Variants in TMEM150B observed in about 807,000 individuals in gnomAD.
TMEM150B encodes the protein modulator of macroautophagy TMEM150B.
In TMEM150B, 33 loss-of-function variants were observed where a neutral mutation model predicts 25.2. The ratio of observed to expected loss-of-function variants is 1.31; its 90% CI spans 0.99 to 1.75. The LOEUF (loss-of-function observed/expected upper bound fraction) is 1.75. Among genes scored for constraint, TMEM150B ranks in the 40% most tolerant of loss-of-function variants. TMEM150B has a pLI of 0.00. For missense variants in TMEM150B, 322 were observed against 306.1 expected, an observed-to-expected ratio of 1.05 and a Z score of -0.39; for synonymous variants, 133 against 134.8, an observed-to-expected ratio of 0.99 and a Z score of 0.09.
Position 55,319,876 on chromosome 19 carries a change from A to G in TMEM150B, c.324+163T>C, listed in dbSNP as rs532473790. The G allele has an allele frequency of 1.6e-3, 2,314 of 1,441,230 alleles. 2 individuals are homozygous for G. The highest frequency in any genetic ancestry group is 2.0e-3 in the Non-Finnish European group (2,185 of 1,099,966). 89.3% of individuals were successfully genotyped at this position (1,441,230 alleles called of 1,614,324 possible). A position where few individuals can be genotyped will look rare whatever the true frequency, so the allele number is the denominator to read the frequency against. On this transcript the variant is annotated intron_variant, in intron 6 of 7. Coordinates refer to ENST00000326652, the MANE Select transcript of TMEM150B (RefSeq NM_001282011.2). ...TAGTGCCCCACTCAGAGAGCAAAGGAATCCAGCCGGTCCAAGGCCACTGGC... is the reference window on the plus strand; with the variant it reads ...TAGTGCCCCACTCAGAGAGCAAAGGGATCCAGCCGGTCCAAGGCCACTGGC...
chr19:55,312,783 C>A, downstream of TMEM150B: 1 of 1,417,740 alleles, frequency 7.1e-7, no homozygotes. Flanking sequence ...GCTCATCTTG[C>A]TGGGTGCGGG....
chr19:55,316,961 C>T lies in TMEM150B; in HGVS notation c.330G>A (p.Lys110=). The T allele has an allele frequency of 6.3e-7, 1 of 1,597,474 alleles. No homozygotes were observed. Among genetic ancestry groups the T allele is most frequent in the African/African-American group, 1.4e-5 (1 of 73,946 alleles). The change falls in exon 7 of 8, where the codon AAG becomes AAA. Residue 110 remains lysine, a synonymous_variant. Transcript: ENST00000326652. ...CTGCCAAGTGCGTAGGCCGCTGGTT[C>T]TTTTCCTGGGAGGAGAAGGGAGAAG... is the stretch of plus-strand genomic sequence containing the variant. ...GTSVVGNFQE[K]NQRPTHLAGA... is the part of the protein sequence containing the mutation.
In TMEM150B at chr19:55,316,842, CAGGCAGCCCCGGGCTG is replaced by C; in HGVS notation, c.433_448del (p.Gln145GlyfsTer20). The C allele has an allele frequency of 6.3e-7, 1 of 1,586,378 alleles. No homozygotes were observed. The highest frequency in any genetic ancestry group is 1.1e-5 in the South Asian group (1 of 87,186). On this transcript the variant is annotated frameshift_variant, in exon 7 of 8. Transcript: ENST00000326652. LOFTEE classifies it high-confidence loss of function. ...GAGGCCCAGGCGGAGGGGCCCAATC[CAGGCAGCCCCGGGCTG>C]GGGCAGCCTCTTCAGCCTCCACAGG...
rs947021510 is a variant in TMEM150B at position 55,320,274 on chromosome 19, G to A, written c.197-108C>T. On this transcript the variant is annotated intron_variant, in intron 5 of 7. Coordinates refer to ENST00000326652, the MANE Select transcript of TMEM150B (RefSeq NM_001282011.2). The stretch of plus-strand genomic sequence containing the variant: ...GTGAGGGAGAAAGTGGCAAACTCCC[G>A]GATTTTGGGGAAAGAGGGGCCTGGG... 7.9e-6 allele frequency: 12 copies of A among 1,512,658 alleles called. No individual in the cohort carries two copies. In the Admixed American group the frequency reaches 8.4e-5, roughly 11 times the overall value. 93.7% of individuals were successfully genotyped at this position (1,512,658 alleles called of 1,614,324 possible).
intron 6 of TMEM150B, among the ~76,000 whole-genome samples, chr19:55,318,216 C>T (rs2089069834): frequency 6.6e-6 from 1 of 151,788 alleles, no homozygotes; most frequent in African/African-American, 2.4e-5. Flanking sequence ...CAAAAAGTAG[C>T]CGGGCGTGGT....
Position 55,317,007 on chromosome 19 carries a change from A to G in TMEM150B, c.325-41T>C, listed in dbSNP as rs115053599. The G allele has an allele frequency of 2.7e-4, 423 of 1,566,972 alleles. 1 individual carries two copies. The African/African-American group carries it at 5.2e-3, about 19-fold the overall frequency. On this transcript the variant is annotated intron_variant, in intron 6 of 7. Coordinates refer to ENST00000326652, the MANE Select transcript of TMEM150B (RefSeq NM_001282011.2). Reference sequence around the variant, plus strand: ...AGAAGTTGGGAGGGAGACTCTGGGAAGGAGGGTAAGGGGCACCAGAGGGGC... The same window carrying G: ...AGAAGTTGGGAGGGAGACTCTGGGAGGGAGGGTAAGGGGCACCAGAGGGGC...
chr19:55,311,935 G>C, downstream of TMEM150B: 1 of 1,611,440 alleles, frequency 6.2e-7, no homozygotes. Context: ...GCCCAGACCC[G>C]GCCTGCTGGT....
intron 7 of TMEM150B, among the ~76,000 whole-genome samples, chr19:55,315,920 A>T (rs1440224530): frequency 4.6e-5 from 7 of 151,816 alleles, no homozygotes. Context: ...ACAGAGCAAG[A>T]CTCTGTCTCA....
At chr19:55,317,537 T>TG (rs2089045914) in intron 6 of TMEM150B, among the ~76,000 whole-genome samples, 1 of 152,078 alleles carries the variant, frequency 6.6e-6, no homozygotes, top group Non-Finnish European at 1.5e-5. Context: ...CTCAGCACTT[T>TG]GGGAGGCCAA....
downstream of TMEM150B, chr19:55,311,876 G>A (rs942588509): frequency 1.2e-6 from 2 of 1,606,344 alleles, no homozygotes; most frequent in Non-Finnish European, 1.7e-6. Context: ...ACCCTGGGCT[G>A]CGGAACCCAC....
At chr19:55,311,924 G>A (rs200101706), downstream of TMEM150B, 4 of 1,611,696 alleles carry the variant, frequency 2.5e-6, no homozygotes, top group Non-Finnish European at 1.7e-6. Context: ...AGAAGAACGG[G>A]GCCCAGACCC....
At chr19:55,325,023 T>C (rs1213646148) in intron 1 of TMEM150B, among the ~76,000 whole-genome samples, 2 of 152,252 alleles carry the variant, frequency 1.3e-5, no homozygotes, top group Non-Finnish European at 2.9e-5. Context: ...GTTTGCCACC[T>C]GGCTGATTCC....
intron 2 of TMEM150B, 43 bp from the exon 3 acceptor site, chr19:55,321,136 G>C (rs2089197014): frequency 4.0e-6 from 6 of 1,493,592 alleles, no homozygotes; most frequent in Non-Finnish European, 5.3e-6. Context: ...GCATGAGATT[G>C]TGGCCCCAAC....
In TMEM150B at chr19:55,316,913, C is replaced by T. The variant is rs1394818301; in HGVS notation, c.378G>A (p.Leu126=). 6.2e-7 allele frequency: 1 copy of T among 1,608,032 alleles called. No individual in the cohort carries two copies. Among genetic ancestry groups the T allele is most frequent in the South Asian group, 1.1e-5 (1 of 90,090 alleles). ...GCTGCAGCCAGAAGTAGACGTTACC[C>T]AAGATGAAGGCAAGGAAGGCCCCTG... The part of the protein sequence containing the change: ...HLAGAFLAFI[L]GNVYFWLQLL... The change falls in exon 7 of 8, where the codon TTG becomes TTA. Residue 126 remains leucine (L), a synonymous_variant. Transcript: ENST00000326652.
chr19:55,311,800 C>A, downstream of TMEM150B: 1 of 1,149,068 alleles, frequency 8.7e-7, no homozygotes, highest in Non-Finnish European at 1.2e-6. Flanking sequence ...GGAGCTAGAG[C>A]CTCGGGGTTA....
chr19:55,322,854 A>C, intron 1 of TMEM150B, 111 bp from the exon 2 acceptor site: 70 of 357,020 alleles, frequency 2.0e-4, no homozygotes, highest in Non-Finnish European at 2.5e-4. Context: ...TTAGAACCTC[A>C]CAGGCAGCAC....
At position 55,312,910 on chromosome 19, in the gene TMEM150B, G is replaced by T. The variant is rs1268435868; in HGVS notation, c.651C>A (p.Pro217=). The T allele has an allele frequency of 1.9e-6, 3 of 1,607,238 alleles. No individual in the cohort carries two copies. In the African/African-American group the frequency reaches 4.0e-5, roughly 21 times the overall value. ...GGGAGGCCGGCGGGGGGCTGAGGCT[G>T]GGCCACGGCTGAACACACAGGGTGC... ...ESCTLCVQPW[P]SLSPPPASPI... is the part of the protein sequence containing the mutation. Residue 217 remains proline, a synonymous_variant, in exon 8 of 8, where the codon CCC becomes CCA. Transcript: ENST00000326652.
At chr19:55,312,255 CG>C (rs1408717553), downstream of TMEM150B, 1 of 218,776 alleles carries the variant, frequency 4.6e-6, no homozygotes, top group Non-Finnish European at 8.5e-6. Context: ...GAACAGGGGG[CG>C]GGGGAGCTGT....
chr19:55,317,631 A>T (rs1218727461), intron 6 of TMEM150B, among the ~76,000 whole-genome samples: 1 of 151,842 alleles, frequency 6.6e-6, no homozygotes, highest in Non-Finnish European at 1.5e-5. Flanking sequence ...AATACAAAAA[A>T]TTAGCTAGGC....
Sources: gnomAD v4.1 joint callset for allele counts (sites outside exome capture counted in the v4.1 genomes callset) on GRCh38, gnomAD v4.1.1 for gene constraint, MANE v1.5 for transcripts, NCBI Gene and HGNC (gene_info 2026-07-23, HGNC 2026-07-21) for gene names.